PCDHGA5: variants seen among roughly 807,000 people sequenced by gnomAD.
PCDHGA5 encodes the protein protocadherin gamma subfamily A, 5, also known as protocadherin gamma-A5.
In PCDHGA5, 36 loss-of-function variants were observed where a neutral mutation model predicts 56.7. The ratio of observed to expected loss-of-function variants is 0.64; its 90% confidence interval spans 0.49 to 0.84. PCDHGA5 has a LOEUF of 0.84. Among genes scored for constraint, PCDHGA5 ranks in the 40% least tolerant of loss-of-function variants. PCDHGA5 has a pLI of 0.00. For synonymous variants in PCDHGA5, 563 were observed against 520.2 expected (o/e 1.08, Z -1.12); for missense variants, 1,305 against 1,201.5 (o/e 1.09, Z -1.27).
intron 1 of PCDHGA5, chr5:141,478,485 G>C (rs2099459345): frequency 1.2e-6 from 2 of 1,613,204 alleles, no homozygotes; most frequent in East Asian, 4.5e-5. Flanking sequence ...AACACGCTGC[G>C]GAGCTGTGAT....
intron 2 of PCDHGA5, among the ~76,000 whole-genome samples, chr5:141,504,960 T>C (rs9324851): frequency 0.59 from 89,328 of 151,916 alleles, 27,885 homozygotes; most frequent in African/African-American, 0.8. Context: ...TTCAATGCAT[T>C]GGACCAGCCT....
chr5:141,366,437 G>A lies in PCDHGA5; in HGVS notation c.2107G>A (p.Val703Ile), dbSNP rs201380639. The A allele has an allele frequency of 4.0e-4, 649 of 1,614,042 alleles. No individual in the cohort carries two copies. The highest frequency in any genetic ancestry group is 4.5e-4 in the Non-Finnish European group (535 of 1,180,064). ...GGTGGCAGTGGCTGCAGTCTCCTGC[G>A]TCTTCCTGGCCTTCGTCATCGTGCT... is the stretch of plus-strand genomic sequence containing the variant. Reference protein sequence around the residue: ...LVVAVAAVSCVFLAFVIVLLV... With the variant: ...LVVAVAAVSCIFLAFVIVLLV... The change falls in exon 1 of 4, where the codon GTC becomes ATC. Residue 703 changes from valine to isoleucine, a missense_variant. Coordinates refer to ENST00000518069, the MANE Select transcript of PCDHGA5 (RefSeq NM_018918.3).
intron 1 of PCDHGA5, chr5:141,394,841 C>A: frequency 6.2e-7 from 1 of 1,613,852 alleles, no homozygotes; most frequent in Non-Finnish European, 8.5e-7. Flanking sequence ...CCGAGTTGGG[C>A]AGTCTGAAGC....
At chr5:141,478,478 A>T (rs764926007) in intron 1 of PCDHGA5, 2 of 1,613,740 alleles carry the variant, frequency 1.2e-6, no homozygotes, top group East Asian at 4.5e-5. Flanking sequence ...CCGCCAGAAC[A>T]CGCTGCGGAG....
chr5:141,482,923 AT>A (rs1193255251), intron 1 of PCDHGA5, among the ~76,000 whole-genome samples: 10 of 152,074 alleles, frequency 6.6e-5, no homozygotes, highest in Non-Finnish European at 1.5e-4. Context: ...AATACAAAAA[AT>A]TAGCCAGGTG....
intron 1 of PCDHGA5, among the ~76,000 whole-genome samples, chr5:141,449,636 TA>T (rs1448731592): frequency 7.3e-5 from 11 of 150,610 alleles, no homozygotes; most frequent in Non-Finnish European, 1.2e-4. Flanking sequence ...AAGATGTATC[TA>T]TATATACATA....
chr5:141,385,498 T>C, intron 1 of PCDHGA5: 2 of 1,386,236 alleles, frequency 1.4e-6, no homozygotes, highest in Non-Finnish European at 1.9e-6. Context: ...TAGGATATAG[T>C]ATTTCTTTAG....
chr5:141,435,026 C>A (rs977017371), intron 1 of PCDHGA5, among the ~76,000 whole-genome samples: 4 of 151,978 alleles, frequency 2.6e-5, no homozygotes, highest in Non-Finnish European at 5.9e-5. Context: ...GCTCTTTTCC[C>A]ACTTTTATTT....
At chr5:141,414,957 G>A in intron 1 of PCDHGA5, 7 of 1,614,018 alleles carry the variant, frequency 4.3e-6, no homozygotes, top group Non-Finnish European at 3.4e-6. Flanking sequence ...TGGTGACCAA[G>A]GTGGTGGCGG....
chr5:141,446,415 T>C (rs1275165245), intron 1 of PCDHGA5, among the ~76,000 whole-genome samples: 2 of 152,046 alleles, frequency 1.3e-5, no homozygotes, highest in African/African-American at 4.8e-5. Flanking sequence ...GTTCCAGCCA[T>C]GTTCATTTGA....
Position 141,366,189 on chromosome 5 carries a change from G to A in PCDHGA5, c.1859G>A (p.Gly620Glu), listed in dbSNP as rs1488464749. ...AGCGAGCCAGGACTCTTTGCGGTTG[G>A]GCTGCACACGGGCGAGGTGCGCACA... ...KASEPGLFAV[G>E]LHTGEVRTAR... Residue 620 changes from glycine (G) to glutamate (E), a missense_variant, in exon 1 of 4, where the codon GGG becomes GAG. Physicochemically the swap from Gly to Glu is moderately conservative, Grantham distance 98 (BLOSUM62 -2). Coordinates refer to ENST00000518069, the MANE Select transcript of PCDHGA5 (RefSeq NM_018918.3). 14 of 1,613,804 alleles carry A rather than the reference G, an allele frequency of 8.7e-6. No homozygotes were observed. In the Middle Eastern group the frequency reaches 9.9e-4, roughly 114 times the overall value.
chr5:141,490,833 G>C lies in PCDHGA5; in HGVS notation c.2422-3974G>C, dbSNP rs781529579. ...ACTATGAATTGCTGCAGATGCTGCA[G>C]ATTGTGGTGGGGGTTCGAGACTCCG... On this transcript the variant is annotated intron_variant, in intron 1 of 3. Coordinates refer to ENST00000518069, the MANE Select transcript of PCDHGA5 (RefSeq NM_018918.3). This position sits in a 1 kb window ranked among gnomAD's most constrained non-coding sequence, Gnocchi z 5.4. The C allele has an allele frequency of 6.2e-7, 1 of 1,613,932 alleles. No homozygotes were observed. Among genetic ancestry groups the C allele is most frequent in the East Asian group, 2.2e-5 (1 of 44,884 alleles).
Position 141,393,047 on chromosome 5 carries a change from C to G in PCDHGA5, c.2421+26296C>G, listed in dbSNP as rs778464494. ...GTAGGACGCAGCTCTTTGCTCTGAA[C>G]CCGCGCAGCGGCAGCTTGATCACCG... On this transcript the variant is annotated intron_variant, in intron 1 of 3. Transcript: ENST00000518069. 16 of 1,613,566 alleles carry G rather than the reference C, an allele frequency of 9.9e-6. No homozygotes were observed. The South Asian group carries it at 1.6e-4, about 17-fold the overall frequency.
chr5:141,478,652 G>A (rs188883724), intron 1 of PCDHGA5: 2 of 1,551,970 alleles, frequency 1.3e-6, no homozygotes, highest in East Asian at 2.4e-5. Flanking sequence ...TGTTTTCCTG[G>A]TGATGCATTC....
rs1446100014 is a variant in PCDHGA5 at position 141,365,765 on chromosome 5, C to T, written c.1435C>T (p.Pro479Ser). The change falls in exon 1 of 4, where the codon CCC becomes TCC. Residue 479 changes from proline (P) to serine (S), a missense_variant. By Grantham distance (74) the Pro-to-Ser change is moderately conservative (BLOSUM62 -1). Coordinates refer to ENST00000518069, the MANE Select transcript of PCDHGA5 (RefSeq NM_018918.3). ...TATCTTCTCTGTGACAGCCCATGACCCCGACAGCGGCGACAACGCTCGAGT... is the reference window on the plus strand; with the variant it reads ...TATCTTCTCTGTGACAGCCCATGACTCCGACAGCGGCGACAACGCTCGAGT... ...VSIFSVTAHD[P>S]DSGDNARVTY... 1.9e-6 allele frequency: 3 copies of T among 1,613,848 alleles called. No homozygotes were observed. The highest frequency in any genetic ancestry group is 1.3e-5 in the African/African-American group (1 of 75,026).
intron 1 of PCDHGA5, chr5:141,404,212 C>T: frequency 3.7e-6 from 6 of 1,613,616 alleles, no homozygotes; most frequent in Non-Finnish European, 5.1e-6. Flanking sequence ...AATATAATAT[C>T]ACGGTGACTG....
chr5:141,389,896 C>G, intron 1 of PCDHGA5: 8 of 1,614,078 alleles, frequency 5.0e-6, no homozygotes, highest in Non-Finnish European at 6.8e-6. Context: ...GAGGTGCTGC[C>G]GGATATCACT....
intron 1 of PCDHGA5, among the ~76,000 whole-genome samples, chr5:141,452,585 G>A (rs1310395736): frequency 6.6e-6 from 1 of 151,984 alleles, no homozygotes; most frequent in Non-Finnish European, 1.5e-5. Context: ...TTCCATCTTT[G>A]TATTTTTATT....
At chr5:141,380,618 G>A (rs531927290) in intron 1 of PCDHGA5, among the ~76,000 whole-genome samples, 15 of 152,210 alleles carry the variant, frequency 9.9e-5, no homozygotes, top group South Asian at 4.1e-4. Flanking sequence ...TATGATGTTC[G>A]ATAACTTAGA....
Sources: gnomAD v4.1 joint callset for allele counts (sites outside exome capture counted in the v4.1 genomes callset) on GRCh38, gnomAD v4.1.1 for gene constraint, Gnocchi (gnomAD v3.1) non-coding constraint, MANE v1.5 for transcripts, NCBI Gene and HGNC (gene_info 2026-07-23, HGNC 2026-07-21) for gene names.